FRMD4B: variants seen among roughly 807,000 people sequenced by gnomAD.
The protein encoded by FRMD4B is FERM domain-containing protein 4B.
A neutral mutation model predicts 141.5 loss-of-function variants in FRMD4B; 74 were observed. That is an observed-to-expected ratio of 0.52 (90% CI 0.43 to 0.63). FRMD4B has a LOEUF of 0.63. Ranked by LOEUF, FRMD4B falls within the 30% of genes least tolerant of loss-of-function variation. FRMD4B has a pLI of 0.00. For synonymous variants in FRMD4B, 506 were observed against 467.9 expected (o/e 1.08, Z -1.05); for missense variants, 1,366 against 1,253.4 (o/e 1.09, Z -1.36).
chr3:69,483,950 C>T (rs1054800091), intron 1 of FRMD4B, among the ~76,000 whole-genome samples: 3 of 152,144 alleles, frequency 2.0e-5, no homozygotes, highest in Non-Finnish European at 4.4e-5. Context: ...ATTTTGTTCT[C>T]CCTGAAATAA....
At chr3:69,257,715 G>C (rs2093501260) in intron 5 of FRMD4B, among the ~76,000 whole-genome samples, 1 of 151,862 alleles carries the variant, frequency 6.6e-6, no homozygotes, top group African/African-American at 2.4e-5. Context: ...AGGCTGGAAT[G>C]CAGTGGTGCT....
At chr3:69,328,504 C>A (rs986138747) in intron 1 of FRMD4B, among the ~76,000 whole-genome samples, 1 of 152,112 alleles carries the variant, frequency 6.6e-6, no homozygotes, top group African/African-American at 2.4e-5. Context: ...CTGAGACCTA[C>A]TGGGCTGCAT....
chr3:69,302,875 C>T (rs186978999), intron 3 of FRMD4B, among the ~76,000 whole-genome samples: 1 of 152,222 alleles, frequency 6.6e-6, no homozygotes, highest in African/African-American at 2.4e-5. Context: ...GAGTTTGAGA[C>T]CAGCCTGGCT....
intron 14 of FRMD4B, among the ~76,000 whole-genome samples, chr3:69,195,826 TTAATGA>T (rs1466757352): frequency 6.6e-6 from 1 of 152,188 alleles, no homozygotes; most frequent in Non-Finnish European, 1.5e-5. Context: ...TTACATATAC[TTAATGA>T]TAAGGGATTC....
intron 2 of FRMD4B, among the ~76,000 whole-genome samples, chr3:69,427,795 A>G (rs1183993770): frequency 6.6e-6 from 1 of 151,914 alleles, no homozygotes; most frequent in Non-Finnish European, 1.5e-5. Flanking sequence ...AGCTGGGATT[A>G]CAGGCATGTG....
chr3:69,380,749 G>C (rs1420566989), intron 1 of FRMD4B, among the ~76,000 whole-genome samples: 2 of 152,194 alleles, frequency 1.3e-5, no homozygotes, highest in African/African-American at 2.4e-5. Flanking sequence ...CCCGGAGTCT[G>C]TGCAAGTTGC....
upstream of FRMD4B, among the ~76,000 whole-genome samples, chr3:69,387,747 G>C (rs1704294103): frequency 6.6e-6 from 1 of 152,186 alleles, no homozygotes; most frequent in East Asian, 1.9e-4. Flanking sequence ...TGTCCTCAAA[G>C]TGCCTGTTGT....
At position 69,430,486 on chromosome 3, in the gene FRMD4B, C is replaced by G. The variant is rs576852074; in HGVS notation, c.-1+2148G>C. ...GCACTGTTGTAAAGATGTTGTCTGT[C>G]TATTTCAGTTACAAGATCCTGTCTT... On this transcript the variant is annotated intron_variant, in intron 2 of 5. Transcript: ENST00000459638. Among the ~76,000 whole-genome samples, 4 of 152,288 alleles carry G rather than the reference C, an allele frequency of 2.6e-5. No homozygotes were observed. The East Asian group carries it at 5.8e-4, about 22-fold the overall frequency.
At chr3:69,198,645 A>T in intron 12 of FRMD4B, 53 bp downstream of exon 12, 1 of 820,912 alleles carries the variant, frequency 1.2e-6, no homozygotes, top group Non-Finnish European at 2.1e-6. Flanking sequence ...TGTTGATAGC[A>T]GCGTTATTTG....
chr3:69,201,760 T>A (rs2092970148), intron 11 of FRMD4B, among the ~76,000 whole-genome samples: 1 of 152,148 alleles, frequency 6.6e-6, no homozygotes, highest in Non-Finnish European at 1.5e-5. Flanking sequence ...GTGAATTCAT[T>A]TGCTGAAAGA....
intron 1 of FRMD4B, among the ~76,000 whole-genome samples, chr3:69,523,223 T>C (rs1419118269): frequency 2.0e-5 from 3 of 151,994 alleles, no homozygotes; most frequent in Non-Finnish European, 2.9e-5. Context: ...CTCTAGGCAT[T>C]TGAAAAAGGA....
At chr3:69,360,363 C>CT (rs1302614408) in intron 1 of FRMD4B, among the ~76,000 whole-genome samples, 1 of 152,082 alleles carries the variant, frequency 6.6e-6, no homozygotes, top group Non-Finnish European at 1.5e-5. Flanking sequence ...GATAAGGACT[C>CT]TTTTTTAAAC....
At chr3:69,479,719 T>A (rs370522659) in intron 1 of FRMD4B, among the ~76,000 whole-genome samples, 4 of 152,206 alleles carry the variant, frequency 2.6e-5, no homozygotes, top group African/African-American at 9.6e-5. Flanking sequence ...ATTTTTGTGG[T>A]GTTCTCTGTA....
chr3:69,180,820 T>A (rs2092699012), intron 21 of FRMD4B, 79 bp downstream of exon 21: 1 of 962,466 alleles, frequency 1.0e-6, no homozygotes, highest in Non-Finnish European at 1.6e-6. Context: ...GGTCTCATGA[T>A]CCGTGAGGCG....
At chr3:69,178,679 G>A (rs201735956) in intron 21 of FRMD4B, among the ~76,000 whole-genome samples, 894 of 125,804 alleles carry the variant, frequency 7.1e-3, no homozygotes, top group South Asian at 9.5e-3. Context: ...CTTTAAAAAA[G>A]AAAAAAAAAA....
At chr3:69,428,492 G>C (rs1391633324) in intron 2 of FRMD4B, among the ~76,000 whole-genome samples, 2 of 151,258 alleles carry the variant, frequency 1.3e-5, no homozygotes, top group African/African-American at 4.9e-5. Flanking sequence ...GGTGCATGAG[G>C]CATCATTTAA....
chr3:69,474,743 C>T (rs1225221248), intron 1 of FRMD4B, among the ~76,000 whole-genome samples: 2 of 152,152 alleles, frequency 1.3e-5, no homozygotes, highest in Non-Finnish European at 2.9e-5. Flanking sequence ...TTTAGGTATA[C>T]TAAGCACATG....
intron 2 of FRMD4B, among the ~76,000 whole-genome samples, chr3:69,423,320 C>T (rs1250074793): frequency 2.0e-5 from 3 of 152,208 alleles, no homozygotes; most frequent in South Asian, 2.1e-4. Context: ...AGCCTTTGCT[C>T]GAGGTATTTT....
At chr3:69,478,244 T>C (rs987223450) in intron 1 of FRMD4B, among the ~76,000 whole-genome samples, 1 of 152,324 alleles carries the variant, frequency 6.6e-6, no homozygotes, top group East Asian at 1.9e-4. Context: ...TGCCTTCTGC[T>C]AGCTTTTGAA....
Sources: gnomAD v4.1 joint callset for allele counts (sites outside exome capture counted in the v4.1 genomes callset) on GRCh38, gnomAD v4.1.1 for gene constraint, MANE v1.5 for transcripts, NCBI Gene and HGNC (gene_info 2026-07-23, HGNC 2026-07-21) for gene names.